The following PCBP3 variants were observed in gnomAD, a reference collection of about 807,000 sequenced individuals.
PCBP3 encodes poly(rC) binding protein 3, also known as poly(rC)-binding protein 3.
A neutral mutation model predicts 52.7 loss-of-function variants in PCBP3; 25 were observed. The ratio of observed to expected loss-of-function variants is 0.47; its 90% CI spans 0.35 to 0.66. The LOEUF is 0.66. PCBP3 is among the 30% of genes least tolerant of loss of function. The pLI, the probability that PCBP3 is intolerant of heterozygous loss-of-function variation, is 0.01. For missense variants in PCBP3, 391 were observed against 490.3 expected, an observed-to-expected ratio of 0.80 and a Z score of 1.91; for synonymous variants, 162 against 183.0, an observed-to-expected ratio of 0.89 and a Z score of 0.93.
chr21:45,868,890 G>C (rs1037136551), intron 5 of PCBP3, among the ~76,000 whole-genome samples: 6 of 152,226 alleles, frequency 3.9e-5, no homozygotes, highest in Admixed American at 1.3e-4. Context: ...GGGCAGCTCG[G>C]TGGACACTTC....
chr21:45,939,135 G>C (rs555662171), intron 16 of PCBP3, among the ~76,000 whole-genome samples: 1 of 152,354 alleles, frequency 6.6e-6, no homozygotes, highest in African/African-American at 2.4e-5. Flanking sequence ...CTGCCCTCCT[G>C]GTGCCCTGTG....
At position 45,648,447 on chromosome 21, in the gene PCBP3, C is replaced by T. The variant is rs192250506; in HGVS notation, c.-279+4579C>T. 1.4e-4 allele frequency among the ~76,000 whole-genome samples: 22 copies of T among 152,342 alleles called. No homozygotes were observed. The East Asian group carries it at 4.0e-3, about 28-fold the overall frequency. ...GTCTTATTTGGCCCAAATCCCACTT[C>T]CAGTCTCTCTCAGCAGCTTCCACAG... On this transcript the variant is annotated intron_variant, in intron 1 of 17. Transcript: ENST00000681687.
At chr21:45,674,434 C>A (rs2081347287) in intron 2 of PCBP3, among the ~76,000 whole-genome samples, 1 of 152,202 alleles carries the variant, frequency 6.6e-6, no homozygotes, top group Non-Finnish European at 1.5e-5. Flanking sequence ...ATGATTCTGT[C>A]TGTACATTCT....
intron 1 of PCBP3, among the ~76,000 whole-genome samples, chr21:45,651,353 T>C (rs2079671516): frequency 6.6e-6 from 1 of 152,198 alleles, no homozygotes; most frequent in African/African-American, 2.4e-5. Flanking sequence ...TACAAATGTT[T>C]TGTGTAGAAA....
At chr21:45,883,264 G>A (rs1363108310) in intron 5 of PCBP3, among the ~76,000 whole-genome samples, 1 of 152,118 alleles carries the variant, frequency 6.6e-6, no homozygotes, top group Non-Finnish European at 1.5e-5. Flanking sequence ...CATACACTAC[G>A]GTTTCAATTC....
intron 2 of PCBP3, among the ~76,000 whole-genome samples, chr21:45,691,452 ATGTATGTG>A (rs1289933007): frequency 2.0e-4 from 16 of 79,368 alleles, no homozygotes; most frequent in South Asian, 9.4e-4. Flanking sequence ...ATATGTATGT[ATGTATGTG>A]TGTGTGTGTG....
At chr21:45,939,737 G>A (rs1569513700) in intron 16 of PCBP3, among the ~76,000 whole-genome samples, 1 of 152,210 alleles carries the variant, frequency 6.6e-6, no homozygotes, top group Non-Finnish European at 1.5e-5. Context: ...CCCAGGCCGA[G>A]TGACTGTGCC....
At chr21:45,722,026 C>A (rs976223649) in intron 2 of PCBP3, among the ~76,000 whole-genome samples, 2 of 152,096 alleles carry the variant, frequency 1.3e-5, no homozygotes, top group African/African-American at 2.4e-5. Context: ...AGGAGATAAT[C>A]GGATAAGCAC....
intron 3 of PCBP3, among the ~76,000 whole-genome samples, chr21:45,745,509 AC>A (rs2086762757): frequency 1.3e-5 from 2 of 152,100 alleles, no homozygotes; most frequent in Admixed American, 6.5e-5. Flanking sequence ...GTTGGAAGGA[AC>A]CCAGATGCAC....
rs112129880 is a variant in PCBP3 at position 45,803,662 on chromosome 21, C to T, written c.-125-46299C>T. 1.4e-4 allele frequency among the ~76,000 whole-genome samples: 21 copies of T among 152,328 alleles called. 1 individual carries two copies. Among genetic ancestry groups the T allele is most frequent in the African/African-American group, 4.6e-4 (19 of 41,576 alleles). Reference sequence around the variant, plus strand: ...CCCTGCACAGTGCTTGGCTCTGATGCCCACCCCAGGGTCCCTGGGCACTGC... The same window carrying T: ...CCCTGCACAGTGCTTGGCTCTGATGTCCACCCCAGGGTCCCTGGGCACTGC... On this transcript the variant is annotated intron_variant, in intron 4 of 17. Transcript: ENST00000681687.
At chr21:45,701,673 GC>G (rs1394964936) in intron 2 of PCBP3, among the ~76,000 whole-genome samples, 1 of 152,146 alleles carries the variant, frequency 6.6e-6, no homozygotes, top group Non-Finnish European at 1.5e-5. Context: ...CAATTCTCCT[GC>G]CTCAGCCTCC....
chr21:45,731,860 A>G (rs1040099166), intron 2 of PCBP3, among the ~76,000 whole-genome samples: 1 of 146,030 alleles, frequency 6.8e-6, no homozygotes, highest in Non-Finnish European at 1.5e-5. Context: ...AAGCCCCACA[A>G]TGCATTGCCT....
At chr21:45,653,485 A>G (rs1214469554) in intron 1 of PCBP3, among the ~76,000 whole-genome samples, 3 of 152,190 alleles carry the variant, frequency 2.0e-5, no homozygotes, top group South Asian at 4.1e-4. Flanking sequence ...GGTTCTCTTT[A>G]TATCTAGTAA....
intron 4 of PCBP3, among the ~76,000 whole-genome samples, chr21:45,779,850 A>C (rs1411255237): frequency 1.3e-5 from 2 of 152,218 alleles, no homozygotes; most frequent in East Asian, 3.9e-4. Flanking sequence ...TTTGACTATA[A>C]CAGTACTTGG....
intron 5 of PCBP3, among the ~76,000 whole-genome samples, chr21:45,854,925 C>T (rs1049359300): frequency 1.3e-5 from 2 of 152,190 alleles, no homozygotes; most frequent in Admixed American, 1.3e-4. Flanking sequence ...TGGAAACTTA[C>T]GATCTCTCCT....
intron 3 of PCBP3, among the ~76,000 whole-genome samples, chr21:45,742,678 A>G (rs991696459): frequency 4.6e-5 from 7 of 152,340 alleles, no homozygotes; most frequent in African/African-American, 1.4e-4. Context: ...TAGAAACACC[A>G]TTTATTCAAA....
chr21:45,912,379 C>G (rs995838373), intron 11 of PCBP3, among the ~76,000 whole-genome samples: 1 of 152,160 alleles, frequency 6.6e-6, no homozygotes, highest in Non-Finnish European at 1.5e-5. Flanking sequence ...CAGCTGGGTC[C>G]GCCCTCAGAT....
chr21:45,913,918 C>T (rs750738440), intron 11 of PCBP3, 33 bp from the exon 12 acceptor site: 28 of 1,585,796 alleles, frequency 1.8e-5, no homozygotes, highest in East Asian at 9.0e-5. Flanking sequence ...GCTGCTCTAA[C>T]GCTCTCTCTC....
At chr21:45,766,745 C>T (rs1377358360) in intron 4 of PCBP3, among the ~76,000 whole-genome samples, 2 of 152,348 alleles carry the variant, frequency 1.3e-5, no homozygotes, top group South Asian at 2.1e-4. Context: ...CCGATTTCCT[C>T]TCAACAGGAA....
Sources: gnomAD v4.1 joint callset for allele counts (sites outside exome capture counted in the v4.1 genomes callset) on GRCh38, gnomAD v4.1.1 for gene constraint, MANE v1.5 for transcripts, NCBI Gene and HGNC (gene_info 2026-07-23, HGNC 2026-07-21) for gene names.